NDUFS7: variants seen among roughly 807,000 people sequenced by gnomAD.
The protein encoded by NDUFS7 is NADH:ubiquinone oxidoreductase core subunit S7, also known as NADH dehydrogenase [ubiquinone] iron-sulfur protein 7, mitochondrial.
Under a neutral mutation model 31.1 loss-of-function variants are expected in NDUFS7, and 11 were observed. That is an observed-to-expected ratio of 0.35 (90% CI 0.22 to 0.59). The LOEUF is 0.59. Among genes scored for constraint, NDUFS7 ranks in the 20% least tolerant of loss-of-function variants. The probability of loss-of-function intolerance (pLI) is 0.79; values close to 1 mark genes in which losing one functional copy is unlikely to be tolerated. For missense variants in NDUFS7, 263 were observed against 324.2 expected, an observed-to-expected ratio of 0.81 and a Z score of 1.45; for synonymous variants, 136 against 127.9, an observed-to-expected ratio of 1.06 and a Z score of -0.43.
intron 2 of NDUFS7, 187 bp downstream of exon 2, chr19:1,388,034 G>A (rs146318450): frequency 3.7e-4 from 255 of 680,482 alleles, no homozygotes; most frequent in African/African-American, 3.6e-3. Context: ...GACAGTCCAC[G>A]CAGTGGCAAA....
intron 7 of NDUFS7, chr19:1,394,256 C>A: frequency 1.3e-6 from 1 of 795,706 alleles, no homozygotes; most frequent in Non-Finnish European, 1.8e-6. Context: ...CAGGTCACCC[C>A]GGGGGCAGTG....
Position 1,393,807 on chromosome 19 carries a change from G to A in NDUFS7, c.544+477G>A. 1 of 385,670 alleles carries A rather than the reference G, an allele frequency of 2.6e-6. No individual in the cohort carries two copies. Among genetic ancestry groups the A allele is most frequent in the Non-Finnish European group, 4.8e-6 (1 of 206,748 alleles). The allele number at this position is 385,670 out of a possible 1,614,324, so 23.9% of individuals were successfully genotyped here. ...GGTGAATTTGACCATCAGGAAAACT[G>A]TTAGTAGTAATTGTTTAGTACGAGT... On this transcript the variant is annotated intron_variant, in intron 7 of 7. Coordinates refer to ENST00000233627, the MANE Select transcript of NDUFS7 (RefSeq NM_024407.5). The surrounding 1 kb of genome is among the most constrained non-coding windows in gnomAD (Gnocchi z 7.3).
Position 1,387,919 on chromosome 19 carries a change from GTGGGGGGT to G in NDUFS7, c.53+73_53+80del, listed in dbSNP as rs1379981958. 4.7e-4 allele frequency: 148 copies of G among 316,592 alleles called. 12 individuals are homozygous for G. The highest frequency in any genetic ancestry group is 4.2e-3 in the East Asian group (44 of 10,574). 19.6% of individuals were successfully genotyped at this position (316,592 alleles called of 1,614,324 possible). ...GCGACAGACGAACGGGGCGGGGGGGGTGGGGGGTGGGGGGAGCGCCTTGTTGAAGGTCA... is the reference window on the plus strand; with the variant it reads ...GCGACAGACGAACGGGGCGGGGGGGGGGGGGGAGCGCCTTGTTGAAGGTCA... On this transcript the variant is annotated intron_variant, in intron 2 of 7. Transcript: ENST00000233627.
At chr19:1,387,697 G>A (rs894076937) in intron 1 of NDUFS7, 114 bp from the exon 2 acceptor site, 3 of 929,050 alleles carry the variant, frequency 3.2e-6, no homozygotes, top group East Asian at 2.4e-5. Context: ...AGTGGCACTC[G>A]AGTTGGGATC....
At position 1,391,202 on chromosome 19, in the gene NDUFS7, A is replaced by T. The variant is rs759603364; in HGVS notation, c.455+37A>T. On this transcript the variant is annotated intron_variant, in intron 6 of 7. Transcript: ENST00000233627. ...GCGGGGGGTCTCCAGGGACAGACGT[A>T]GCGTGAGTGCTGGCCTGGCCGTGCC... The T allele has an allele frequency of 1.9e-6, 3 of 1,604,686 alleles. No individual in the cohort carries two copies. The Admixed American group carries it at 5.1e-5, about 27-fold the overall frequency.
At chr19:1,389,231 T>C in intron 4 of NDUFS7, 1 of 664,998 alleles carries the variant, frequency 1.5e-6, no homozygotes, top group Non-Finnish European at 2.8e-6. Flanking sequence ...ACATGCACAC[T>C]TGCACTCATG....
In NDUFS7 at chr19:1,395,419, C is replaced by A. The variant is rs145544378; in HGVS notation, c.573C>A (p.Leu191=). The A allele has an allele frequency of 1.1e-5, 17 of 1,602,462 alleles. No homozygotes were observed. The South Asian group carries it at 1.8e-4, about 17-fold the overall frequency. Residue 191 remains leucine (L), a synonymous_variant, in exon 8 of 8, where the codon CTC becomes CTA. Transcript: ENST00000233627. ...PGCPPTAEAL[L]YGILQLQRKI... ...GCCCACCTACGGCCGAGGCCCTGCT[C>A]TACGGCATCCTGCAGCTGCAGAGGA...
intron 7 of NDUFS7, chr19:1,394,474 C>T (rs1451724931): frequency 9.7e-6 from 12 of 1,241,820 alleles, no homozygotes; most frequent in Middle Eastern, 2.2e-4. Context: ...ACTGTGCTCC[C>T]TGTCTGGGGA....
chr19:1,395,584 C>A lies in NDUFS7; in HGVS notation c.*96C>A. 1 of 1,405,406 alleles carries A rather than the reference C, an allele frequency of 7.1e-7. No homozygotes were observed. Among genetic ancestry groups the A allele is most frequent in the Non-Finnish European group, 9.8e-7 (1 of 1,021,758 alleles). The allele number at this position is 1,405,406 out of a possible 1,614,324, so 87.1% of individuals were successfully genotyped here. ...AATAAACCTGCCCTCGGGCTGCCGCCTCCCAGTGTGGTGTGTGGGTGAAAG... is the reference window on the plus strand; with the variant it reads ...AATAAACCTGCCCTCGGGCTGCCGCATCCCAGTGTGGTGTGTGGGTGAAAG... On this transcript the variant is annotated 3_prime_UTR_variant, in exon 8 of 8. Transcript: ENST00000233627.
intron 4 of NDUFS7, chr19:1,389,186 C>CA (rs779667352): frequency 1.2e-5 from 8 of 692,634 alleles, no homozygotes; most frequent in Non-Finnish European, 1.8e-5. Flanking sequence ...CATGCACACA[C>CA]AAGCACATGT....
At chr19:1,383,980 G>C (rs755328527) in intron 1 of NDUFS7, 38 bp downstream of exon 1, 1 of 1,547,950 alleles carries the variant, frequency 6.5e-7, no homozygotes, top group East Asian at 2.5e-5. Context: ...GGGCCGCGCG[G>C]GTCTGGGGCC....
chr19:1,388,978 G>T, intron 4 of NDUFS7, 40 bp downstream of exon 4: 3 of 1,522,720 alleles, frequency 2.0e-6, no homozygotes, highest in Non-Finnish European at 9.0e-7. Context: ...GAGCGCCAGG[G>T]CCTCTCTGCA....
At chr19:1,390,813 C>T (rs2082549835) in intron 4 of NDUFS7, 58 bp from the exon 5 acceptor site, 4 of 1,572,888 alleles carry the variant, frequency 2.5e-6, no homozygotes, top group African/African-American at 1.3e-5. Flanking sequence ...CGTGGAGTCT[C>T]ACGCTGGGCC....
rs564294116 is a variant in NDUFS7, at chr19:1,395,339, G to A, written c.545-52G>A. On this transcript the variant is annotated intron_variant, in intron 7 of 7. Transcript: ENST00000233627. ...GCCGAGCCGGCTGCGCTGTGCACGCGGTCACGCGGGCTCCGGCTGCGGGAA... is the reference window on the plus strand; with the variant it reads ...GCCGAGCCGGCTGCGCTGTGCACGCAGTCACGCGGGCTCCGGCTGCGGGAA... 2.1e-4 allele frequency: 327 copies of A among 1,567,236 alleles called. 2 individuals carry two copies. Among genetic ancestry groups the A allele is most frequent in the South Asian group, 1.5e-3 (132 of 85,270 alleles).
intron 4 of NDUFS7, chr19:1,389,424 C>T (rs534666489): frequency 2.5e-4 from 115 of 458,540 alleles, no homozygotes; most frequent in Non-Finnish European, 4.3e-4. Context: ...CACACCCCTG[C>T]GGCCGTGGAG....
chr19:1,383,909 C>G lies in NDUFS7; in HGVS notation c.-18C>G. ...AAGGAGAACGGACCTCAGAGGTTGT[C>G]TGAAGGCCGAGGCCAAGATGGCGGT... On this transcript the variant is annotated 5_prime_UTR_variant, in exon 1 of 8. Coordinates refer to ENST00000233627, the MANE Select transcript of NDUFS7 (RefSeq NM_024407.5). 6.3e-7 allele frequency: 1 copy of G among 1,580,634 alleles called. No homozygotes were observed. The highest frequency in any genetic ancestry group is 8.6e-7 in the Non-Finnish European group (1 of 1,164,342).
At position 1,395,510 on chromosome 19, in the gene NDUFS7, A is replaced by G; in HGVS notation, c.*22A>G. On this transcript the variant is annotated 3_prime_UTR_variant, in exon 8 of 8. Coordinates refer to ENST00000233627, the MANE Select transcript of NDUFS7 (RefSeq NM_024407.5). The stretch of plus-strand genomic sequence containing the variant: ...GTAGCGCCGCCGCCGCCGCCGCCGG[A>G]GCCTGTCGCCGTCCTGTCCCCAGCC... 6.4e-7 allele frequency: 1 copy of G among 1,556,910 alleles called. No homozygotes were observed. The highest frequency in any genetic ancestry group is 1.2e-5 in the South Asian group (1 of 84,610).
At chr19:1,387,620 C>A in intron 1 of NDUFS7, 191 bp from the exon 2 acceptor site, 1 of 627,868 alleles carries the variant, frequency 1.6e-6, no homozygotes. Flanking sequence ...CGGGGCCATG[C>A]AGTCTCAAGC....
intron 4 of NDUFS7, 73 bp downstream of exon 4, chr19:1,389,011 C>A: frequency 8.0e-7 from 1 of 1,250,376 alleles, no homozygotes; most frequent in Non-Finnish European, 1.1e-6. Context: ...CACACATACA[C>A]ACACCAACGT....
Sources: gnomAD v4.1 joint callset for allele counts on GRCh38, gnomAD v4.1.1 for gene constraint, Gnocchi (gnomAD v3.1) non-coding constraint, MANE v1.5 for transcripts, NCBI Gene and HGNC (gene_info 2026-07-23, HGNC 2026-07-21) for gene names.